CPVL: variants seen among roughly 807,000 people sequenced by gnomAD.
CPVL encodes carboxypeptidase vitellogenic like, also known as probable serine carboxypeptidase CPVL.
A neutral mutation model predicts 63.7 loss-of-function variants in CPVL; 51 were observed. The observed-to-expected ratio is 0.80, with a 90% CI of 0.64 to 1.01. The LOEUF (loss-of-function observed/expected upper bound fraction) is 1.01, where lower values mean the gene tolerates loss of function less well. Ranked by LOEUF, CPVL falls within the 50% of genes least tolerant of loss-of-function variation. CPVL has a pLI of 0.00. For missense variants in CPVL, 530 were observed against 573.1 expected (o/e 0.92, Z 0.77); for synonymous variants, 195 against 206.0 (o/e 0.95, Z 0.46).
chr7:29,033,012 C>T (rs1584045385), intron 11 of CPVL, among the ~76,000 whole-genome samples: 2 of 152,248 alleles, frequency 1.3e-5, no homozygotes, highest in African/African-American at 2.4e-5. Flanking sequence ...CAAGAAACAG[C>T]AAAGAGCTGA....
At chr7:29,110,888 T>C (rs1788161709) in intron 3 of CPVL, among the ~76,000 whole-genome samples, 1 of 152,192 alleles carries the variant, frequency 6.6e-6, no homozygotes, top group Non-Finnish European at 1.5e-5. Flanking sequence ...ATGGAGATTA[T>C]GTGCTGTGAG....
intron 1 of CPVL, among the ~76,000 whole-genome samples, chr7:29,188,010 C>G (rs1196479531): frequency 6.6e-6 from 1 of 152,152 alleles, no homozygotes; most frequent in Non-Finnish European, 1.5e-5. Context: ...CTTCAAAGCC[C>G]AGGCCTGGCT....
chr7:29,086,657 G>C, intron 6 of CPVL, 107 bp from the exon 7 acceptor site: 2 of 796,156 alleles, frequency 2.5e-6, no homozygotes, highest in Non-Finnish European at 4.4e-6. Context: ...TTTCACACTT[G>C]AAATAAGATA....
intron 1 of CPVL, among the ~76,000 whole-genome samples, chr7:29,138,536 T>A (rs1479229558): frequency 6.6e-6 from 1 of 152,118 alleles, no homozygotes; most frequent in Non-Finnish European, 1.5e-5. Context: ...TCTAGGATGA[T>A]CCCAGATGTG....
At chr7:28,996,166 G>A (rs1784036682) in intron 12 of CPVL, 1 of 283,440 alleles carries the variant, frequency 3.5e-6, no homozygotes, top group Admixed American at 5.4e-5. Flanking sequence ...TTCCTCTAGA[G>A]AGTGATCTGC....
chr7:29,159,279 G>C (rs540178249), intron 5 of CPVL, among the ~76,000 whole-genome samples: 2 of 152,180 alleles, frequency 1.3e-5, no homozygotes, highest in Non-Finnish European at 1.5e-5. Context: ...AAGAGGTCAC[G>C]TGGTTTTCCA....
At chr7:29,151,008 C>T (rs1275335695), upstream of CPVL, among the ~76,000 whole-genome samples, 2 of 152,136 alleles carry the variant, frequency 1.3e-5, no homozygotes, top group Admixed American at 6.5e-5. Flanking sequence ...TGTTCTGCAC[C>T]TCAGCTATAA....
intron 12 of CPVL, among the ~76,000 whole-genome samples, chr7:29,015,014 C>A (rs1583988237): frequency 1.3e-5 from 2 of 152,210 alleles, no homozygotes; most frequent in African/African-American, 2.4e-5. Context: ...CTAGCCTGAT[C>A]GTCCACTCGA....
chr7:29,112,415 A>G (rs1562774895), intron 3 of CPVL, among the ~76,000 whole-genome samples: 1 of 152,142 alleles, frequency 6.6e-6, no homozygotes, highest in Non-Finnish European at 1.5e-5. Flanking sequence ...CAACAAAATG[A>G]TAGGAAGAAG....
intron 3 of CPVL, among the ~76,000 whole-genome samples, chr7:29,110,323 G>T (rs2128628649): frequency 6.6e-6 from 1 of 152,248 alleles, no homozygotes; most frequent in Middle Eastern, 3.4e-3. Context: ...GGCTGCACAG[G>T]TCTCTTCACT....
At chr7:29,089,902 G>T (rs1255709996) in intron 6 of CPVL, among the ~76,000 whole-genome samples, 2 of 147,532 alleles carry the variant, frequency 1.4e-5, no homozygotes, top group African/African-American at 2.5e-5. Flanking sequence ...CGCTCTTGTT[G>T]CCCAGGCTGC....
At chr7:29,110,613 CGAGACTCAA>C (rs1239884304) in intron 3 of CPVL, among the ~76,000 whole-genome samples, 1 of 152,146 alleles carries the variant, frequency 6.6e-6, no homozygotes, top group Non-Finnish European at 1.5e-5. Context: ...GAAAACATAT[CGAGACTCAA>C]TAATCTAGGC....
Position 29,091,113 on chromosome 7 carries a change from G to A in CPVL, c.542+1510C>T, listed in dbSNP as rs182076048. 1.5e-3 allele frequency among the ~76,000 whole-genome samples: 227 copies of A among 152,274 alleles called. 1 individual carries two copies. Among genetic ancestry groups the A allele is most frequent in the African/African-American group, 4.4e-3 (184 of 41,548 alleles). On this transcript the variant is annotated intron_variant, in intron 6 of 12. Transcript: ENST00000265394. The stretch of plus-strand genomic sequence containing the variant: ...AGCTATTTTCCAGTTCTAAGAGCCC[G>A]AAGCAAAAAGAACTACAACAGCTAT...
In CPVL at chr7:29,109,947, C is replaced by G. The variant is rs148493132; in HGVS notation, c.288+2757G>C. Among the ~76,000 whole-genome samples, 1,320 of 152,296 alleles carry G rather than the reference C, an allele frequency of 8.7e-3. 8 individuals are homozygous for G. The highest frequency in any genetic ancestry group is 0.016 in the Admixed American group (245 of 15,298). On this transcript the variant is annotated intron_variant, in intron 3 of 12. Coordinates refer to ENST00000265394, the MANE Select transcript of CPVL (RefSeq NM_031311.5). ...ACCAGTAGAGCATGCAAACTAAATT[C>G]CTTTCCATGAACAGGTTTACGGTGC...
rs1263502646 is a variant in CPVL at position 29,086,386 on chromosome 7, A to G, written c.609+98T>C. 4.9e-6 allele frequency: 4 copies of G among 821,984 alleles called. No homozygotes were observed. In the Admixed American group the frequency reaches 7.9e-5, roughly 16 times the overall value. The allele number at this position is 821,984 out of a possible 1,614,324, so 50.9% of individuals were successfully genotyped here. A position where few individuals can be genotyped will look rare whatever the true frequency, so the allele number is the denominator to read the frequency against. On this transcript the variant is annotated intron_variant, in intron 7 of 12. Transcript: ENST00000265394. Reference sequence around the variant, plus strand: ...AATATTGATATGTATGTGTACATGTATATACATATATAGATTTTAAATGAA... The same window carrying G: ...AATATTGATATGTATGTGTACATGTGTATACATATATAGATTTTAAATGAA...
At chr7:29,113,323 G>A (rs918606774) in intron 2 of CPVL, among the ~76,000 whole-genome samples, 1 of 152,114 alleles carries the variant, frequency 6.6e-6, no homozygotes, top group Non-Finnish European at 1.5e-5. Flanking sequence ...CTACTAAGAG[G>A]AGTGGGCTGA....
chr7:29,050,476 T>G (rs1790034919), intron 11 of CPVL, among the ~76,000 whole-genome samples: 1 of 152,016 alleles, frequency 6.6e-6, no homozygotes, highest in South Asian at 2.1e-4. Context: ...AAATTGGAAC[T>G]CATCCATTTT....
chr7:29,088,991 A>C (rs1785497606), intron 6 of CPVL, among the ~76,000 whole-genome samples: 1 of 152,128 alleles, frequency 6.6e-6, no homozygotes, highest in Admixed American at 6.5e-5. Context: ...ATAATAATAC[A>C]TAAGCATGTG....
intron 4 of CPVL, among the ~76,000 whole-genome samples, chr7:29,182,115 C>T (rs1798136359): frequency 6.6e-6 from 1 of 152,146 alleles, no homozygotes; most frequent in African/African-American, 2.4e-5. Context: ...TGAGAACTAA[C>T]ACTCATTAAT....
Sources: allele counts gnomAD v4.1 joint callset (sites outside exome capture counted in the v4.1 genomes callset), GRCh38; gene constraint gnomAD v4.1.1; transcripts MANE v1.5; gene names NCBI Gene and HGNC (gene_info 2026-07-23, HGNC 2026-07-21).